Variants in VPS53 observed in about 807,000 individuals in gnomAD.
The protein encoded by VPS53 is vacuolar protein sorting-associated protein 53 homolog.
In VPS53, 70 loss-of-function variants were observed where a neutral mutation model predicts 107.0. That is an observed-to-expected ratio of 0.65 (90% CI 0.54 to 0.80). The LOEUF is 0.80. VPS53 is among the 30% of genes least tolerant of loss of function. The pLI is 0.00. For synonymous variants in VPS53, 409 were observed against 393.3 expected (o/e 1.04, Z -0.47); for missense variants, 917 against 1,049.4 (o/e 0.87, Z 1.74).
chr17:711,880 G>A (rs957475556), intron 1 of VPS53, among the ~76,000 whole-genome samples: 2 of 150,242 alleles, frequency 1.3e-5, no homozygotes, highest in South Asian at 2.1e-4. Flanking sequence ...GCAGTAGCGC[G>A]ATCTTGGTTC....
intron 11 of VPS53, among the ~76,000 whole-genome samples, chr17:623,287 A>G (rs796259144): frequency 7.9e-5 from 12 of 152,374 alleles, no homozygotes; most frequent in African/African-American, 2.9e-4. Flanking sequence ...TAGTCTGTAA[A>G]ATGGGATCAA....
intron 13 of VPS53, among the ~76,000 whole-genome samples, chr17:566,927 T>A (rs1001645097): frequency 5.3e-5 from 8 of 151,908 alleles, no homozygotes; most frequent in Admixed American, 1.3e-4. Context: ...CTTTTTTTTT[T>A]AGTAGAGATG....
intron 4 of VPS53, among the ~76,000 whole-genome samples, chr17:691,726 A>G (rs1040954456): frequency 6.6e-6 from 1 of 152,224 alleles, no homozygotes; most frequent in African/African-American, 2.4e-5. Flanking sequence ...TCCATGCTGA[A>G]TACAGCACCT....
At chr17:527,690 T>C (rs1263243534) in intron 19 of VPS53, among the ~76,000 whole-genome samples, 1 of 152,238 alleles carries the variant, frequency 6.6e-6, no homozygotes. Context: ...CATAGCTCAC[T>C]GCAACCTTGA....
chr17:592,239 T>G (rs1248490035), intron 12 of VPS53, among the ~76,000 whole-genome samples: 24 of 152,248 alleles, frequency 1.6e-4, no homozygotes, highest in Admixed American at 1.6e-3. Flanking sequence ...TTCCATTTGC[T>G]TGGTAGATCT....
intron 11 of VPS53, among the ~76,000 whole-genome samples, chr17:611,116 C>G (rs1030290687): frequency 3.9e-5 from 6 of 152,036 alleles, no homozygotes; most frequent in African/African-American, 1.4e-4. Context: ...TGGGTTCAAG[C>G]GATTCTCCTG....
intron 4 of VPS53, among the ~76,000 whole-genome samples, chr17:695,095 A>G (rs1972908317): frequency 6.6e-6 from 1 of 152,220 alleles, no homozygotes; most frequent in Non-Finnish European, 1.5e-5. Flanking sequence ...GAGCTTACAA[A>G]CATCAAAGGG....
chr17:617,157 G>C (rs145350657), intron 11 of VPS53, among the ~76,000 whole-genome samples: 13 of 152,344 alleles, frequency 8.5e-5, no homozygotes, highest in African/African-American at 3.1e-4. Flanking sequence ...GGCCGTGGGA[G>C]CTCAGGGGGC....
At chr17:638,557 T>C (rs1359719801) in intron 7 of VPS53, among the ~76,000 whole-genome samples, 1 of 152,226 alleles carries the variant, frequency 6.6e-6, no homozygotes, top group Admixed American at 6.5e-5. Context: ...CTAGTACCGG[T>C]TGTTCCTTTC....
In VPS53 at chr17:714,782, C is replaced by G; in HGVS notation, c.-73G>C. 1.3e-6 allele frequency: 2 copies of G among 1,543,384 alleles called. No homozygotes were observed. ...CCTCCAGCCGCCACCCAGGCCCCAG[C>G]ACAGCAACTCCCTCGCGGCAGCGAC... On this transcript the variant is annotated 5_prime_UTR_variant, in exon 1 of 22. Transcript: ENST00000437048.
Position 710,602 on chromosome 17 carries a change from G to A in VPS53, c.99C>T (p.Ser33=), listed in dbSNP as rs776781488. ...VQLAIEQVFP[S]QDPLDRADFN... is the part of the protein sequence containing the mutation. ...AATCTGCTCGATCTAGAGGGTCCTGGCTTGGAAACACCTATATAGAAAGAG... is the reference window on the plus strand; with the variant it reads ...AATCTGCTCGATCTAGAGGGTCCTGACTTGGAAACACCTATATAGAAAGAG... Residue 33 remains serine (S), a synonymous_variant, in exon 2 of 22, where the codon AGC becomes AGT. Coordinates refer to ENST00000437048, the MANE Select transcript of VPS53 (RefSeq NM_001128159.3). 3.2e-5 allele frequency: 51 copies of A among 1,612,996 alleles called. No homozygotes were observed. The highest frequency in any genetic ancestry group is 1.1e-5 in the South Asian group (1 of 91,044).
chr17:633,520 T>C (rs965782858), intron 7 of VPS53, among the ~76,000 whole-genome samples: 2 of 152,250 alleles, frequency 1.3e-5, no homozygotes, highest in Admixed American at 1.3e-4. Context: ...CTGAGATTTT[T>C]TTTCAGATGA....
chr17:591,046 C>G (rs1967618586), intron 12 of VPS53, among the ~76,000 whole-genome samples: 1 of 152,038 alleles, frequency 6.6e-6, no homozygotes. Flanking sequence ...ATTATTGCCA[C>G]AATTTCAGCT....
At chr17:542,583 A>G (rs1910781364) in intron 17 of VPS53, among the ~76,000 whole-genome samples, 1 of 152,252 alleles carries the variant, frequency 6.6e-6, no homozygotes, top group African/African-American at 2.4e-5. Context: ...TACTTGCACT[A>G]TCACTAAAAA....
intron 11 of VPS53, among the ~76,000 whole-genome samples, chr17:603,166 T>C (rs1968402834): frequency 6.6e-6 from 1 of 152,176 alleles, no homozygotes; most frequent in Admixed American, 6.5e-5. Context: ...GGCTCACACC[T>C]GGAATCCCAG....
At chr17:688,616 A>T (rs571846856) in intron 4 of VPS53, among the ~76,000 whole-genome samples, 1 of 152,322 alleles carries the variant, frequency 6.6e-6, no homozygotes, top group East Asian at 1.9e-4. Context: ...GCACTCTAGA[A>T]GCAGGCAAAA....
At chr17:639,584 T>C (rs1970341487) in intron 7 of VPS53, among the ~76,000 whole-genome samples, 1 of 152,168 alleles carries the variant, frequency 6.6e-6, no homozygotes, top group Non-Finnish European at 1.5e-5. Context: ...GACGTACAGA[T>C]GGGGTTTTGG....
At position 669,855 on chromosome 17, in the gene VPS53, G is replaced by A. The variant is rs1011362647; in HGVS notation, c.286-7960C>T. On this transcript the variant is annotated intron_variant, in intron 4 of 21. Coordinates refer to ENST00000437048, the MANE Select transcript of VPS53 (RefSeq NM_001128159.3). ...TGCAGTGAGCTGAGATGGTGCCATC[G>A]CACTCCAGCCTGGTGACAGAGCGAG... 2.0e-5 allele frequency among the ~76,000 whole-genome samples: 3 copies of A among 150,432 alleles called. No individual in the cohort carries two copies. The highest frequency in any genetic ancestry group is 2.1e-4 in the South Asian group (1 of 4,786).
At chr17:552,058 G>T in intron 16 of VPS53, 108 bp from the exon 17 acceptor site, 1 of 1,066,216 alleles carries the variant, frequency 9.4e-7, no homozygotes, top group Non-Finnish European at 1.3e-6. Context: ...CACTGGCAAA[G>T]TTTGAGCTTT....
Sources: gnomAD v4.1 joint callset for allele counts (sites outside exome capture counted in the v4.1 genomes callset) on GRCh38, gnomAD v4.1.1 for gene constraint, MANE v1.5 for transcripts, NCBI Gene and HGNC (gene_info 2026-07-23, HGNC 2026-07-21) for gene names.